PTPRM: variants seen among roughly 807,000 people sequenced by gnomAD.
The protein encoded by PTPRM is protein tyrosine phosphatase receptor type M, also known as receptor-type tyrosine-protein phosphatase mu.
A neutral mutation model predicts 186.7 loss-of-function variants in PTPRM; 47 were observed. The ratio of observed to expected loss-of-function variants is 0.25; its 90% CI spans 0.20 to 0.32. PTPRM has a LOEUF of 0.32. Among genes scored for constraint, PTPRM ranks in the 10% least tolerant of loss-of-function variants. The pLI is 1.00. For missense variants in PTPRM, 1,494 were observed against 1,865.0 expected (o/e 0.80, Z 3.66); for synonymous variants, 668 against 674.9 (o/e 0.99, Z 0.16).
intron 5 of PTPRM, among the ~76,000 whole-genome samples, chr18:7,932,504 C>CT (rs2051549826): frequency 6.6e-6 from 1 of 151,912 alleles, no homozygotes; most frequent in Admixed American, 6.6e-5. Context: ...TTTTATATGT[C>CT]TAATATTTTT....
chr18:8,277,735 G>A (rs111268207), intron 19 of PTPRM, among the ~76,000 whole-genome samples: 3,359 of 152,284 alleles, frequency 0.022, 54 homozygotes, highest in South Asian at 0.055. Context: ...GTGTGTTTCC[G>A]TGTGTTTCAC....
intron 14 of PTPRM, among the ~76,000 whole-genome samples, chr18:8,210,280 C>T (rs1213099999): frequency 1.3e-5 from 2 of 152,050 alleles, no homozygotes; most frequent in Non-Finnish European, 2.9e-5. Context: ...CACTGCATTC[C>T]AGCCAAGGCG....
At chr18:7,637,172 A>C (rs1430194254) in intron 1 of PTPRM, among the ~76,000 whole-genome samples, 1 of 151,694 alleles carries the variant, frequency 6.6e-6, no homozygotes, top group Non-Finnish European at 1.5e-5. Context: ...TGACTCAAAA[A>C]AAAAAAAAAA....
intron 13 of PTPRM, among the ~76,000 whole-genome samples, chr18:8,126,000 TATATATATATA>T (rs2092335756): frequency 1.2e-4 from 2 of 16,312 alleles, no homozygotes; most frequent in African/African-American, 2.3e-4. Flanking sequence ...TATATATATA[TATATATATATA>T]TATATATATA....
rs1369077567 is a variant in PTPRM, at chr18:7,804,888, A to G, written c.196+30617A>G. Among the ~76,000 whole-genome samples the G allele has an allele frequency of 3.3e-5, 5 of 152,162 alleles. No homozygotes were observed. In the South Asian group the frequency reaches 6.2e-4, roughly 19 times the overall value. On this transcript the variant is annotated intron_variant, in intron 2 of 32. Coordinates refer to ENST00000580170, the MANE Select transcript of PTPRM (RefSeq NM_001105244.2). ...TACAGATGTTCATTAGAATCATCCC[A>G]TGTTCTTTAGACATTGAGTACGTAA...
rs2095486577 is a variant in PTPRM, at chr18:8,343,470, G to A, written c.3004G>A (p.Glu1002Lys). 5.6e-6 allele frequency: 9 copies of A among 1,614,044 alleles called. No individual in the cohort carries two copies. Among genetic ancestry groups the A allele is most frequent in the Non-Finnish European group, 7.6e-6 (9 of 1,179,956 alleles). ...IYDFWRMVWH[E>K]NTASIIMVTN... Reference sequence around the variant, plus strand: ...TGACTTCTGGAGGATGGTGTGGCACGAAAACACTGCAAGTATCATCATGGT... The same window carrying A: ...TGACTTCTGGAGGATGGTGTGGCACAAAAACACTGCAAGTATCATCATGGT... The change falls in exon 23 of 33, where the codon GAA (glutamate) becomes AAA (lysine). Residue 1002 changes from glutamate (E) to lysine (K), a missense_variant. Transcript: ENST00000580170.
chr18:8,047,529 C>T (rs1305698933), intron 7 of PTPRM, among the ~76,000 whole-genome samples: 1 of 152,124 alleles, frequency 6.6e-6, no homozygotes, highest in African/African-American at 2.4e-5. Context: ...TCACACAATG[C>T]ACTTTCTCTA....
intron 13 of PTPRM, among the ~76,000 whole-genome samples, chr18:8,126,678 G>T (rs2092372512): frequency 6.6e-6 from 1 of 152,074 alleles, no homozygotes; most frequent in Admixed American, 6.6e-5. Flanking sequence ...TGTCCTTCTG[G>T]GGACCCAAGG....
intron 7 of PTPRM, among the ~76,000 whole-genome samples, chr18:7,974,516 A>T (rs1002656068): frequency 2.6e-5 from 4 of 152,328 alleles, no homozygotes; most frequent in Non-Finnish European, 5.9e-5. Flanking sequence ...AGTAATATAA[A>T]TGCCCCTATA....
At chr18:7,808,419 C>G (rs2044344057) in intron 2 of PTPRM, among the ~76,000 whole-genome samples, 1 of 152,086 alleles carries the variant, frequency 6.6e-6, no homozygotes, top group African/African-American at 2.4e-5. Flanking sequence ...GAGATTCCAC[C>G]CAGTAATTTC....
intron 13 of PTPRM, among the ~76,000 whole-genome samples, chr18:8,120,995 CTTATTATAACAGTATTCAAAATTGCAT>C (rs2092150912): frequency 6.6e-6 from 1 of 152,146 alleles, no homozygotes; most frequent in Non-Finnish European, 1.5e-5. Context: ...CTGTGTACAG[CTTATTATAACAGTATTCAAAATTGCAT>C]AATACGTCAT....
intron 1 of PTPRM, among the ~76,000 whole-genome samples, chr18:7,737,202 A>G (rs1450728655): frequency 6.6e-6 from 1 of 151,788 alleles, no homozygotes; most frequent in Non-Finnish European, 1.5e-5. Flanking sequence ...GTCTTGGCCC[A>G]CTGCAACCTC....
chr18:7,816,946 G>A (rs535351647), intron 2 of PTPRM, among the ~76,000 whole-genome samples: 4 of 150,526 alleles, frequency 2.7e-5, no homozygotes, highest in Non-Finnish European at 4.4e-5. Flanking sequence ...AGAAGAAAAC[G>A]TCTTTTATTT....
intron 20 of PTPRM, among the ~76,000 whole-genome samples, chr18:8,300,280 G>A (rs1866584037): frequency 6.6e-6 from 1 of 152,104 alleles, no homozygotes; most frequent in South Asian, 2.1e-4. Flanking sequence ...TTGGAGATAG[G>A]AGGAACAGTT....
intron 2 of PTPRM, among the ~76,000 whole-genome samples, chr18:7,878,753 G>A (rs1007730266): frequency 3.3e-5 from 5 of 151,448 alleles, no homozygotes; most frequent in Admixed American, 3.3e-4. Flanking sequence ...TTCACATGTG[G>A]AAAAAAAAGG....
At chr18:8,167,612 T>A (rs1000308535) in intron 14 of PTPRM, among the ~76,000 whole-genome samples, 32 of 152,346 alleles carry the variant, frequency 2.1e-4, no homozygotes, top group African/African-American at 7.7e-4. Context: ...TGAGGACTAA[T>A]GAGGAGTCAC....
chr18:8,192,655 T>C (rs192557891), intron 14 of PTPRM, among the ~76,000 whole-genome samples: 82 of 152,314 alleles, frequency 5.4e-4, no homozygotes, highest in Non-Finnish European at 7.3e-4. Context: ...TGTTTTTCCT[T>C]ACAGCATACT....
At chr18:7,788,606 C>T (rs1302089482) in intron 2 of PTPRM, among the ~76,000 whole-genome samples, 3 of 152,024 alleles carry the variant, frequency 2.0e-5, no homozygotes, top group African/African-American at 4.8e-5. Context: ...TGTGTAGTGA[C>T]AAAATGATAC....
chr18:7,740,264 G>A (rs1257132484), intron 1 of PTPRM, among the ~76,000 whole-genome samples: 4 of 152,156 alleles, frequency 2.6e-5, no homozygotes, highest in Non-Finnish European at 4.4e-5. Flanking sequence ...AATCAGTATA[G>A]AGTAGTGGGA....
Sources: allele counts gnomAD v4.1 joint callset (sites outside exome capture counted in the v4.1 genomes callset), GRCh38; gene constraint gnomAD v4.1.1; transcripts MANE v1.5; gene names NCBI Gene and HGNC (gene_info 2026-07-23, HGNC 2026-07-21).